Variants in IP6K3 observed in about 807,000 individuals in gnomAD.
IP6K3 encodes inositol hexakisphosphate kinase 3.
A neutral mutation model predicts 28.8 loss-of-function variants in IP6K3; 20 were observed. The ratio of observed to expected loss-of-function variants is 0.70; its 90% CI spans 0.49 to 1.01. IP6K3 has a LOEUF of 1.01. Ranked by LOEUF, IP6K3 falls within the 50% of genes least tolerant of loss-of-function variation. IP6K3 has a pLI of 0.00. For missense variants in IP6K3, 480 were observed against 537.1 expected (o/e 0.89, Z 1.05); for synonymous variants, 213 against 221.3 (o/e 0.96, Z 0.33).
the IP6K3 span, among the ~76,000 whole-genome samples, chr6:33,761,298 T>C: frequency 7.9e-5 from 12 of 152,112 alleles, no homozygotes; most frequent in African/African-American, 2.9e-4. Flanking sequence ...CCCTCTCTGC[T>C]GAGCCTTCAG....
chr6:33,731,523 G>A (rs1766321147), intron 2 of IP6K3, among the ~76,000 whole-genome samples: 1 of 152,228 alleles, frequency 6.6e-6, no homozygotes, highest in Admixed American at 6.5e-5. Context: ...TATTGTCAGA[G>A]TTACACAGCC....
At chr6:33,758,834 A>G in the IP6K3 span, among the ~76,000 whole-genome samples, 1 of 152,188 alleles carries the variant, frequency 6.6e-6, no homozygotes, top group African/African-American at 2.4e-5. Flanking sequence ...CCTGACCTCA[A>G]GGGATCCACC....
At chr6:33,751,158 G>A (rs376835597), upstream of IP6K3, among the ~76,000 whole-genome samples, 13 of 152,160 alleles carry the variant, frequency 8.5e-5, no homozygotes, top group East Asian at 1.9e-4. This position sits in a 1 kb window ranked among gnomAD's most constrained non-coding sequence, Gnocchi z 4.3. Context: ...TAGGCGGCTT[G>A]TGGCTTCCCT....
At position 33,725,625 on chromosome 6, in the gene IP6K3, A is replaced by C. The variant is rs1416960657; in HGVS notation, c.590-9T>G. Reference sequence around the variant, plus strand: ...TTCCAGCAACAAGAACCCTAGTCACACTAAGTTAAGGAAGGCTCTGAGGAC... The same window carrying C: ...TTCCAGCAACAAGAACCCTAGTCACCCTAAGTTAAGGAAGGCTCTGAGGAC... On this transcript the variant is annotated splice_polypyrimidine_tract_variant and intron_variant, in intron 4 of 5. Coordinates refer to ENST00000293756, the MANE Select transcript of IP6K3 (RefSeq NM_054111.5). 17 of 1,612,126 alleles carry C rather than the reference A, an allele frequency of 1.1e-5. No homozygotes were observed. Among genetic ancestry groups the C allele is most frequent in the Non-Finnish European group, 1.4e-5 (16 of 1,178,546 alleles).
chr6:33,755,687 C>T, the IP6K3 span, among the ~76,000 whole-genome samples: 5 of 152,194 alleles, frequency 3.3e-5, no homozygotes, highest in East Asian at 3.8e-4. Context: ...ACTGGGGGTC[C>T]CCCCCGCTGT....
At position 33,722,237 on chromosome 6, in the gene IP6K3, G is replaced by A. The variant is rs1765927091; in HGVS notation, c.*483C>T. On this transcript the variant is annotated 3_prime_UTR_variant, in exon 6 of 6. Transcript: ENST00000293756. ...TGTCACCTAAAACTCCGCTTAGGAA[G>A]ATAAGAGGCATTCATGAGCTCTGCC... 1 of 156,768 alleles carries A rather than the reference G, an allele frequency of 6.4e-6. No individual in the cohort carries two copies. The highest frequency in any genetic ancestry group is 1.4e-5 in the Non-Finnish European group (1 of 70,576). 9.7% of individuals were successfully genotyped at this position (156,768 alleles called of 1,614,324 possible). A position where few individuals can be genotyped will look rare whatever the true frequency, so the allele number is the denominator to read the frequency against.
At chr6:33,754,523 C>T in the IP6K3 span, among the ~76,000 whole-genome samples, 2 of 152,196 alleles carry the variant, frequency 1.3e-5, no homozygotes, top group African/African-American at 4.8e-5. Context: ...TGGGGGCTGC[C>T]AGCCCATTAC....
At chr6:33,753,801 CTTTATTTTAT>C in the IP6K3 span, among the ~76,000 whole-genome samples, 1 of 150,576 alleles carries the variant, frequency 6.6e-6, no homozygotes, top group South Asian at 2.1e-4. Flanking sequence ...TTGGCCTTTA[CTTTATTTTAT>C]TTTATTTTAT....
the IP6K3 span, among the ~76,000 whole-genome samples, chr6:33,754,872 A>G: frequency 6.6e-6 from 1 of 152,222 alleles, no homozygotes; most frequent in African/African-American, 2.4e-5. Flanking sequence ...TGTTACAACC[A>G]TGAATATGTA....
chr6:33,758,053 C>T, the IP6K3 span, among the ~76,000 whole-genome samples: 3 of 152,086 alleles, frequency 2.0e-5, no homozygotes, highest in African/African-American at 7.2e-5. Context: ...GTGGTGGAGG[C>T]GAGTCGCAGG....
the IP6K3 span, among the ~76,000 whole-genome samples, chr6:33,757,416 G>A: frequency 1.3e-5 from 2 of 152,168 alleles, no homozygotes; most frequent in African/African-American, 2.4e-5. Context: ...TTTATGTGTC[G>A]TAACACTAAT....
chr6:33,723,453 G>C (rs966425215), intron 5 of IP6K3, among the ~76,000 whole-genome samples: 3 of 152,278 alleles, frequency 2.0e-5, no homozygotes, highest in Admixed American at 6.5e-5. Flanking sequence ...CCACCCACGA[G>C]GAAAACGTTT....
intron 1 of IP6K3, among the ~76,000 whole-genome samples, chr6:33,745,800 G>A (rs1389356158): frequency 3.9e-5 from 6 of 152,108 alleles, no homozygotes; most frequent in South Asian, 4.1e-4. Flanking sequence ...GGGGAGAGGC[G>A]TGCTGTGATG....
intron 1 of IP6K3, among the ~76,000 whole-genome samples, chr6:33,740,621 C>T (rs1406134443): frequency 6.6e-6 from 1 of 152,202 alleles, no homozygotes; most frequent in Non-Finnish European, 1.5e-5. Context: ...TCTAAGACCC[C>T]AAGACCTCGC....
chr6:33,734,538 C>T (rs1448539309), intron 2 of IP6K3, among the ~76,000 whole-genome samples: 1 of 152,232 alleles, frequency 6.6e-6, no homozygotes, highest in Non-Finnish European at 1.5e-5. Flanking sequence ...TCTCTGAGCA[C>T]TCACCTCACT....
chr6:33,741,975 C>A (rs1280283973), intron 1 of IP6K3, among the ~76,000 whole-genome samples: 1 of 147,134 alleles, frequency 6.8e-6, no homozygotes. Flanking sequence ...CAAAAACAAG[C>A]AAAAAAAAAA....
intron 2 of IP6K3, among the ~76,000 whole-genome samples, chr6:33,731,820 A>G: frequency 6.6e-6 from 1 of 152,016 alleles, no homozygotes; most frequent in East Asian, 1.9e-4. Context: ...TGTGGGGACA[A>G]GGCCTTGGAG....
chr6:33,745,895 A>G (rs1766890243), intron 1 of IP6K3, among the ~76,000 whole-genome samples: 5 of 152,212 alleles, frequency 3.3e-5, no homozygotes. Context: ...AGGATGTACA[A>G]GTGTGCATGA....
chr6:33,739,829 G>A (rs904921517), intron 1 of IP6K3, among the ~76,000 whole-genome samples: 4 of 152,206 alleles, frequency 2.6e-5, no homozygotes, highest in East Asian at 1.9e-4. Flanking sequence ...TACTCCAGGC[G>A]CTCCTGGAGC....
Sources: gnomAD v4.1 joint callset for allele counts (sites outside exome capture counted in the v4.1 genomes callset) on GRCh38, gnomAD v4.1.1 for gene constraint, Gnocchi (gnomAD v3.1) non-coding constraint, MANE v1.5 for transcripts, NCBI Gene and HGNC (gene_info 2026-07-23, HGNC 2026-07-21) for gene names.